The following GPR139 variants were observed in gnomAD, a reference collection of about 807,000 sequenced individuals.
GPR139 encodes G protein-coupled receptor 139.
A neutral mutation model predicts 25.8 loss-of-function variants in GPR139; 12 were observed. The ratio of observed to expected loss-of-function variants is 0.47; its 90% CI spans 0.30 to 0.75. The LOEUF (loss-of-function observed/expected upper bound fraction) is 0.75. GPR139 is among the 30% of genes least tolerant of loss of function. GPR139 has a pLI of 0.07. For missense variants in GPR139, 380 were observed against 450.2 expected (o/e 0.84, Z 1.41); for synonymous variants, 184 against 179.9 (o/e 1.02, Z -0.18).
chr16:20,051,930 C>T (rs1445443569), intron 1 of GPR139, among the ~76,000 whole-genome samples: 2 of 152,046 alleles, frequency 1.3e-5, no homozygotes, highest in African/African-American at 2.4e-5. Context: ...TGATGTTGGG[C>T]AAGTTACCTA....
chr16:20,044,662 A>G (rs1169550954), intron 1 of GPR139, among the ~76,000 whole-genome samples: 1 of 152,210 alleles, frequency 6.6e-6, no homozygotes, highest in Non-Finnish European at 1.5e-5. Flanking sequence ...CTGAGCTCAC[A>G]TCTTCATATA....
At position 20,030,428 on chromosome 16, in the gene GPR139, A is replaced by ATG. The variant is rs1491266611; in HGVS notation, c.*1305_*1306dup. ...AACACTAAATAAGACGAATATAATCATGTGTGTGTGTGTGCTGCACACATA... is the reference window on the plus strand; with the variant it reads ...AACACTAAATAAGACGAATATAATCATGTGTGTGTGTGTGTGCTGCACACATA... On this transcript the variant is annotated 3_prime_UTR_variant, in exon 2 of 2. Transcript: ENST00000570682. Among the ~76,000 whole-genome samples the ATG allele has an allele frequency of 1.1e-4, 3 of 27,226 alleles. No individual in the cohort carries two copies. The highest frequency in any genetic ancestry group is 4.6e-4 in the Admixed American group (1 of 2,164). 17.9% of individuals were successfully genotyped at this position (27,226 alleles called of 152,430 possible).
At chr16:20,058,081 C>A (rs1041585630) in intron 1 of GPR139, among the ~76,000 whole-genome samples, 2 of 152,166 alleles carry the variant, frequency 1.3e-5, no homozygotes, top group African/African-American at 4.8e-5. Context: ...AAAAAAGGAA[C>A]TCTTCTATTG....
At chr16:20,047,196 C>T (rs111755543) in intron 1 of GPR139, among the ~76,000 whole-genome samples, 4 of 151,906 alleles carry the variant, frequency 2.6e-5, no homozygotes, top group Non-Finnish European at 4.4e-5. Context: ...CTGCAGGCTC[C>T]GTCTCCCAGG....
chr16:20,052,757 C>A, intron 1 of GPR139, among the ~76,000 whole-genome samples: 1 of 140,662 alleles, frequency 7.1e-6, no homozygotes, highest in African/African-American at 2.7e-5. Context: ...CCACTGCACT[C>A]AAGCCTGGGT....
chr16:20,061,643 CA>C (rs1161717998), intron 1 of GPR139, among the ~76,000 whole-genome samples: 1 of 152,244 alleles, frequency 6.6e-6, no homozygotes, highest in Non-Finnish European at 1.5e-5. Context: ...AAGAAAAGCA[CA>C]AGCCATTCTG....
chr16:20,068,292 C>A (rs1378354052), intron 1 of GPR139, among the ~76,000 whole-genome samples: 1 of 149,926 alleles, frequency 6.7e-6, no homozygotes, highest in East Asian at 1.9e-4. Context: ...AGCAGCTATT[C>A]CTCAGCTCCA....
At chr16:20,048,923 C>T (rs1332955386) in intron 1 of GPR139, among the ~76,000 whole-genome samples, 1 of 152,218 alleles carries the variant, frequency 6.6e-6, no homozygotes, top group African/African-American at 2.4e-5. Flanking sequence ...ACCTCCATAG[C>T]ATTGCATGGG....
chr16:20,037,674 A>G (rs2141202124), intron 1 of GPR139, among the ~76,000 whole-genome samples: 1 of 152,288 alleles, frequency 6.6e-6, no homozygotes, highest in East Asian at 1.9e-4. Flanking sequence ...TCAAAGTCAC[A>G]AACAGAACAA....
intron 1 of GPR139, among the ~76,000 whole-genome samples, chr16:20,052,463 C>CTA (rs977637600): frequency 5.9e-5 from 9 of 152,230 alleles, no homozygotes; most frequent in African/African-American, 2.2e-4. Context: ...AGACACGATT[C>CTA]TATAACTTTT....
chr16:20,061,446 G>GATGT (rs2057414128), intron 1 of GPR139, among the ~76,000 whole-genome samples: 1 of 152,146 alleles, frequency 6.6e-6, no homozygotes, highest in African/African-American at 2.4e-5. Flanking sequence ...TGTGTGGGCG[G>GATGT]ATGTATGTAT....
intron 1 of GPR139, among the ~76,000 whole-genome samples, chr16:20,034,416 T>C (rs1210664384): frequency 6.6e-6 from 1 of 152,268 alleles, no homozygotes; most frequent in Non-Finnish European, 1.5e-5. Context: ...ATAGATACAG[T>C]TGAAGTCTCC....
At chr16:20,041,550 C>A (rs541651908) in intron 1 of GPR139, among the ~76,000 whole-genome samples, 1 of 151,862 alleles carries the variant, frequency 6.6e-6, no homozygotes, top group Non-Finnish European at 1.5e-5. Flanking sequence ...CACTCTGGAC[C>A]CTGGGATGGA....
rs2057349831 is a variant in GPR139 at position 20,045,091 on chromosome 16, C to G, written c.128-12422G>C. Among the ~76,000 whole-genome samples, 2 of 151,442 alleles carry G rather than the reference C, an allele frequency of 1.3e-5. 1 individual carries two copies. Among genetic ancestry groups the G allele is most frequent in the East Asian group, 3.9e-4 (2 of 5,168 alleles). On this transcript the variant is annotated intron_variant, in intron 1 of 1. Coordinates refer to ENST00000570682, the MANE Select transcript of GPR139 (RefSeq NM_001002911.4). ...CGCGGCTCGCTGCAACCTCTGCCTC[C>G]CAGGGTCAAGCAATTCTCCTGCCTC...
At chr16:20,065,107 C>T (rs984333242) in intron 1 of GPR139, among the ~76,000 whole-genome samples, 2 of 152,014 alleles carry the variant, frequency 1.3e-5, no homozygotes, top group African/African-American at 4.8e-5. Flanking sequence ...GTGCTTGTTG[C>T]AGCTTTCCCA....
At chr16:20,034,828 A>G (rs2057304410) in intron 1 of GPR139, among the ~76,000 whole-genome samples, 1 of 152,190 alleles carries the variant, frequency 6.6e-6, no homozygotes, top group Non-Finnish European at 1.5e-5. Context: ...ATGACTACAT[A>G]GCATTTTGCT....
intron 1 of GPR139, among the ~76,000 whole-genome samples, chr16:20,055,996 T>C (rs1020813931): frequency 1.3e-5 from 2 of 152,246 alleles, no homozygotes; most frequent in African/African-American, 4.8e-5. Flanking sequence ...GAACTCAATG[T>C]TAATTTTAAC....
Position 20,032,544 on chromosome 16 carries a change from A to G in GPR139, c.253T>C (p.Phe85Leu). The G allele has an allele frequency of 1.9e-6, 3 of 1,614,192 alleles. No individual in the cohort carries two copies. Among genetic ancestry groups the G allele is most frequent in the Non-Finnish European group, 2.5e-6 (3 of 1,180,024 alleles). ...TTCAAGATGAAATCTTCCAACAGGA[A>G]GTCCACAAACACTATGAAAAAGAGG... ...LVLFFIVFVD[F>L]LLEDFILNMQ... Residue 85 changes from phenylalanine (F) to leucine (L), a missense_variant, in exon 2 of 2, where the codon TTC becomes CTC. Coordinates refer to ENST00000570682, the MANE Select transcript of GPR139 (RefSeq NM_001002911.4).
At chr16:20,069,175 C>A (rs564466734) in intron 1 of GPR139, among the ~76,000 whole-genome samples, 116 of 143,810 alleles carry the variant, frequency 8.1e-4, no homozygotes, top group African/African-American at 2.8e-3. Flanking sequence ...GAAAAAATAA[C>A]GTATAGAGTG....
Sources: gnomAD v4.1 joint callset for allele counts (sites outside exome capture counted in the v4.1 genomes callset) on GRCh38, gnomAD v4.1.1 for gene constraint, MANE v1.5 for transcripts, NCBI Gene and HGNC (gene_info 2026-07-23, HGNC 2026-07-21) for gene names.